Variants in LGR6 observed in about 807,000 individuals in gnomAD.
The protein encoded by LGR6 is leucine-rich repeat-containing G protein-coupled receptor 6.
A neutral mutation model predicts 69.4 loss-of-function variants in LGR6; 45 were observed. That is an observed-to-expected ratio of 0.65 (90% confidence interval 0.51 to 0.83). LGR6 has a LOEUF of 0.83. Among genes scored for constraint, LGR6 ranks in the 40% least tolerant of loss-of-function variants. The pLI, the probability that LGR6 is intolerant of heterozygous loss-of-function variation, is 0.00. For synonymous variants in LGR6, 538 were observed against 555.0 expected (o/e 0.97, Z 0.43); for missense variants, 1,108 against 1,246.7 (o/e 0.89, Z 1.68).
At chr1:202,289,037 G>A (rs542032106) in intron 6 of LGR6, among the ~76,000 whole-genome samples, 173 of 152,342 alleles carry the variant, frequency 1.1e-3, no homozygotes, top group African/African-American at 3.8e-3. Flanking sequence ...GCGTGGCAAA[G>A]GCTCTCCTGG....
At chr1:202,266,106 T>A (rs1337481924) in intron 4 of LGR6, among the ~76,000 whole-genome samples, 2 of 143,862 alleles carry the variant, frequency 1.4e-5, no homozygotes, top group African/African-American at 2.6e-5. Context: ...CTTTCCAGAT[T>A]AAAAAAAAAA....
chr1:202,294,496 G>T (rs997704923), intron 6 of LGR6, among the ~76,000 whole-genome samples: 5 of 152,166 alleles, frequency 3.3e-5, no homozygotes, highest in African/African-American at 1.2e-4. Flanking sequence ...TCATCTGGAC[G>T]CTCAACTAGG....
At chr1:202,280,954 G>A in intron 6 of LGR6, 102 bp downstream of exon 6, 1 of 1,058,924 alleles carries the variant, frequency 9.4e-7, no homozygotes, top group South Asian at 1.5e-5. Context: ...GCAGTCCTGG[G>A]ATGCTGGGGT....
At position 202,310,182 on chromosome 1, in the gene LGR6, C is replaced by G. The variant is rs745516913; in HGVS notation, c.1407-15C>G. 1.9e-6 allele frequency: 3 copies of G among 1,612,352 alleles called. No homozygotes were observed. The highest frequency in any genetic ancestry group is 1.7e-5 in the Admixed American group (1 of 59,768). ...GATGCTGAGGCAGCCAATCAGCCTG[C>G]CTCTCCCCCACCAGGATCCTGGAGG... On this transcript the variant is annotated splice_polypyrimidine_tract_variant and intron_variant, in intron 15 of 17. Coordinates refer to ENST00000367278, the MANE Select transcript of LGR6 (RefSeq NM_001017403.2).
intron 1 of LGR6, among the ~76,000 whole-genome samples, chr1:202,208,703 G>A (rs987710856): frequency 6.6e-6 from 1 of 152,096 alleles, no homozygotes; most frequent in Non-Finnish European, 1.5e-5. Flanking sequence ...GAAGCCCAGG[G>A]TGCCACCTCC....
At position 202,297,696 on chromosome 1, in the gene LGR6, G is replaced by A. The variant is rs1057020439; in HGVS notation, c.785+120G>A. 8 of 752,438 alleles carry A rather than the reference G, an allele frequency of 1.1e-5. No homozygotes were observed. In the East Asian group the frequency reaches 2.2e-4, roughly 21 times the overall value. 46.6% of individuals were successfully genotyped at this position (752,438 alleles called of 1,614,324 possible). On this transcript the variant is annotated intron_variant, in intron 7 of 17. Coordinates refer to ENST00000367278, the MANE Select transcript of LGR6 (RefSeq NM_001017403.2). ...TCCCATGGTCCTTATAAAAGATGTA[G>A]CTGTCCCCCACCCTCCCGCCCCGGC...
In LGR6 at chr1:202,194,009, T is replaced by C; in HGVS notation, c.20T>C (p.Leu7Pro). Residue 7 changes from leucine (L) to proline (P), a missense_variant, in exon 1 of 18, where the codon CTC becomes CCC. Coordinates refer to ENST00000367278, the MANE Select transcript of LGR6 (RefSeq NM_001017403.2). MPSPPG[L>P]RALWLCAALC... ...GCCGAGATGCCCAGCCCGCCGGGGC[T>C]CCGGGCGCTATGGCTTTGCGCCGCG... 7.2e-7 allele frequency: 1 copy of C among 1,379,670 alleles called. No individual in the cohort carries two copies. The highest frequency in any genetic ancestry group is 9.3e-7 in the Non-Finnish European group (1 of 1,069,730). The allele number at this position is 1,379,670 out of a possible 1,614,324, so 85.5% of individuals were successfully genotyped here. A position where few individuals can be genotyped will look rare whatever the true frequency, so the allele number is the denominator to read the frequency against.
chr1:202,263,055 T>C (rs1454445801), intron 4 of LGR6, among the ~76,000 whole-genome samples: 1 of 152,106 alleles, frequency 6.6e-6, no homozygotes, highest in Non-Finnish European at 1.5e-5. Flanking sequence ...TCATGATTTC[T>C]TGTACCTTAC....
chr1:202,286,510 G>T (rs1469950235), intron 6 of LGR6, among the ~76,000 whole-genome samples: 3 of 152,168 alleles, frequency 2.0e-5, no homozygotes, highest in African/African-American at 4.8e-5. Flanking sequence ...GACAGAAGGT[G>T]GATGACTTGC....
rs776007088 is a variant in LGR6 at position 202,205,856 on chromosome 1, A to ACC, written c.212+11656_212+11657dup. On this transcript the variant is annotated intron_variant, in intron 1 of 17. Coordinates refer to ENST00000367278, the MANE Select transcript of LGR6 (RefSeq NM_001017403.2). ...ACACACACACCTCCTTCAAACACAC[A>ACC]CCTCCTTCAAACACACACCCGTCCT... Among the ~76,000 whole-genome samples the ACC allele has an allele frequency of 5.9e-5, 8 of 136,102 alleles. No individual in the cohort carries two copies. In the East Asian group the frequency reaches 6.7e-4, roughly 11 times the overall value. 89.3% of individuals were successfully genotyped at this position (136,102 alleles called of 152,430 possible).
intron 1 of LGR6, among the ~76,000 whole-genome samples, chr1:202,212,131 C>T (rs1361974880): frequency 6.6e-6 from 1 of 152,154 alleles, no homozygotes; most frequent in African/African-American, 2.4e-5. Context: ...TGAGCAGTTT[C>T]GTACGGTTGT....
In LGR6 at chr1:202,233,887, C is replaced by T. The variant is rs571562226; in HGVS notation, c.357-2035C>T. Among the ~76,000 whole-genome samples the T allele has an allele frequency of 1.8e-3, 279 of 152,264 alleles. 1 individual carries two copies. Among genetic ancestry groups the T allele is most frequent in the Middle Eastern group, 3.4e-3 (1 of 294 alleles). On this transcript the variant is annotated intron_variant, in intron 3 of 17. Coordinates refer to ENST00000367278, the MANE Select transcript of LGR6 (RefSeq NM_001017403.2). ...GATAAGAAAAGAGAAAACTAAGGCCCGCGGTTCTTAAGTAGCTTGCACACT... is the reference window on the plus strand; with the variant it reads ...GATAAGAAAAGAGAAAACTAAGGCCTGCGGTTCTTAAGTAGCTTGCACACT...
intron 5 of LGR6, among the ~76,000 whole-genome samples, chr1:202,278,215 A>G (rs1051718973): frequency 6.6e-6 from 1 of 152,164 alleles, no homozygotes; most frequent in African/African-American, 2.4e-5. Flanking sequence ...TCTTGGTATC[A>G]AAGTCCAGTA....
chr1:202,271,932 G>A (rs1010194099), intron 4 of LGR6, among the ~76,000 whole-genome samples: 1 of 152,020 alleles, frequency 6.6e-6, no homozygotes, highest in East Asian at 1.9e-4. Context: ...TCCCTCTAAG[G>A]GGGTGTTTGT....
intron 1 of LGR6, among the ~76,000 whole-genome samples, chr1:202,199,945 A>G (rs1002263961): frequency 4.0e-5 from 6 of 151,124 alleles, no homozygotes; most frequent in Admixed American, 1.3e-4. Context: ...TATTGCCTTC[A>G]GCTACAAATA....
At chr1:202,217,453 CAAAACAA>C (rs1479988125) in intron 1 of LGR6, among the ~76,000 whole-genome samples, 2 of 140,170 alleles carry the variant, frequency 1.4e-5, no homozygotes, top group African/African-American at 5.1e-5. Flanking sequence ...GCAAACAAAA[CAAAACAA>C]AAAACAAAAA....
intron 4 of LGR6, among the ~76,000 whole-genome samples, chr1:202,253,738 C>T (rs1663495328): frequency 1.4e-5 from 2 of 147,484 alleles, no homozygotes; most frequent in Admixed American, 6.9e-5. Context: ...AAGCGATTCT[C>T]CTGCCTCAGC....
Position 202,236,734 on chromosome 1 carries a change from G to T in LGR6, c.428+741G>T, listed in dbSNP as rs191600110. 5.3e-5 allele frequency among the ~76,000 whole-genome samples: 8 copies of T among 152,302 alleles called. No individual in the cohort carries two copies. In the East Asian group the frequency reaches 1.5e-3, roughly 29 times the overall value. On this transcript the variant is annotated intron_variant, in intron 4 of 17. Coordinates refer to ENST00000367278, the MANE Select transcript of LGR6 (RefSeq NM_001017403.2). ...GTACAACTTCATCCGATGGGAGAGTGAACAGATATTTTGGGAGAAGTCAAA... is the reference window on the plus strand; with the variant it reads ...GTACAACTTCATCCGATGGGAGAGTTAACAGATATTTTGGGAGAAGTCAAA...
rs184767407 is a variant in LGR6, at chr1:202,268,088, G to A, written c.429-8218G>A. 4.8e-3 allele frequency among the ~76,000 whole-genome samples: 725 copies of A among 152,332 alleles called. 2 individuals carry two copies. The highest frequency in any genetic ancestry group is 7.8e-3 in the Non-Finnish European group (532 of 68,024). Reference sequence around the variant, plus strand: ...GGAAGGCAGAAGCTCATGAGCATCCGTGCCTGAGTTGGTGGAGTCTGTGGG... The same window carrying A: ...GGAAGGCAGAAGCTCATGAGCATCCATGCCTGAGTTGGTGGAGTCTGTGGG... On this transcript the variant is annotated intron_variant, in intron 4 of 17. Coordinates refer to ENST00000367278, the MANE Select transcript of LGR6 (RefSeq NM_001017403.2). This position sits in a 1 kb window ranked among gnomAD's most constrained non-coding sequence, Gnocchi z 4.4.
Sources: gnomAD v4.1 joint callset for allele counts (sites outside exome capture counted in the v4.1 genomes callset) on GRCh38, gnomAD v4.1.1 for gene constraint, Gnocchi (gnomAD v3.1) non-coding constraint, MANE v1.5 for transcripts, NCBI Gene and HGNC (gene_info 2026-07-23, HGNC 2026-07-21) for gene names.